Variants in HNF4G observed in about 807,000 individuals in gnomAD.
HNF4G encodes the protein hepatocyte nuclear factor 4 gamma, also known as hepatocyte nuclear factor 4-gamma.
Under a neutral mutation model 50.9 loss-of-function variants are expected in HNF4G, and 21 were observed. That is an observed-to-expected ratio of 0.41 (90% confidence interval 0.29 to 0.59). HNF4G has a LOEUF of 0.59. Ranked by LOEUF, HNF4G falls within the 20% of genes least tolerant of loss-of-function variation. The probability of loss-of-function intolerance (pLI) is 0.26; values close to 1 mark genes in which losing one functional copy is unlikely to be tolerated. For synonymous variants in HNF4G, 198 were observed against 185.6 expected (o/e 1.07, Z -0.54); for missense variants, 527 against 559.4 (o/e 0.94, Z 0.58).
intron 1 of HNF4G, among the ~76,000 whole-genome samples, chr8:75,472,059 A>G (rs1279845382): frequency 6.6e-6 from 1 of 152,190 alleles, no homozygotes; most frequent in Non-Finnish European, 1.5e-5. Context: ...TGATTCTAGC[A>G]TAGTTCCTAA....
chr8:75,413,382 A>G (rs1023831673), intron 1 of HNF4G, among the ~76,000 whole-genome samples: 4 of 150,816 alleles, frequency 2.7e-5, no homozygotes, highest in African/African-American at 9.8e-5. Flanking sequence ...GATAGTGGCC[A>G]GTGGCAATGA....
chr8:75,416,257 C>T (rs1810632598), intron 1 of HNF4G, among the ~76,000 whole-genome samples: 1 of 152,110 alleles, frequency 6.6e-6, no homozygotes, highest in South Asian at 2.1e-4. Flanking sequence ...TTGCTCAGGG[C>T]TCTGCCCTGA....
chr8:75,458,116 A>C (rs1299766170), intron 1 of HNF4G, among the ~76,000 whole-genome samples: 1 of 152,084 alleles, frequency 6.6e-6, no homozygotes, highest in Non-Finnish European at 1.5e-5. Flanking sequence ...TTATGTCTTA[A>C]GACTAGCCTG....
At chr8:75,543,665 C>T in intron 1 of HNF4G, 146 bp from the exon 2 acceptor site, 1 of 586,592 alleles carries the variant, frequency 1.7e-6, no homozygotes, top group Non-Finnish European at 2.9e-6. Context: ...ACGGAAGCAG[C>T]CAGCCAGGGG....
intron 1 of HNF4G, among the ~76,000 whole-genome samples, chr8:75,452,318 C>T (rs1419420544): frequency 2.0e-5 from 3 of 151,880 alleles, no homozygotes; most frequent in Non-Finnish European, 4.4e-5. Flanking sequence ...AGTATGTGTC[C>T]AACACCACAG....
chr8:75,450,680 C>G (rs1053382564), intron 1 of HNF4G, among the ~76,000 whole-genome samples: 1 of 152,162 alleles, frequency 6.6e-6, no homozygotes, highest in Non-Finnish European at 1.5e-5. Flanking sequence ...TTGCATTTCC[C>G]TGATGATTAG....
intron 1 of HNF4G, among the ~76,000 whole-genome samples, chr8:75,430,960 T>A (rs1445710193): frequency 6.6e-6 from 1 of 152,022 alleles, no homozygotes; most frequent in East Asian, 1.9e-4. Flanking sequence ...CAAAATAATA[T>A]AGATTATTAA....
intron 1 of HNF4G, among the ~76,000 whole-genome samples, chr8:75,439,411 A>T (rs780564248): frequency 7.2e-5 from 11 of 151,980 alleles, no homozygotes; most frequent in Non-Finnish European, 1.5e-4. Context: ...TTCAATGATA[A>T]TTTTTTGCTG....
chr8:75,533,398 G>A (rs1267877118), intron 2 of HNF4G, among the ~76,000 whole-genome samples: 1 of 151,840 alleles, frequency 6.6e-6, no homozygotes, highest in Non-Finnish European at 1.5e-5. Context: ...AACCTTGGGG[G>A]TTCTTCAAAA....
intron 3 of HNF4G, among the ~76,000 whole-genome samples, chr8:75,548,050 G>C (rs999364782): frequency 1.3e-5 from 2 of 151,158 alleles, no homozygotes; most frequent in African/African-American, 4.9e-5. Context: ...GTGCAGAGTG[G>C]CATGATCATG....
chr8:75,473,649 C>T (rs1319962296), intron 1 of HNF4G, among the ~76,000 whole-genome samples: 1 of 152,200 alleles, frequency 6.6e-6, no homozygotes, highest in Non-Finnish European at 1.5e-5. Context: ...TCCTGACTGT[C>T]TCCATCATCC....
intron 1 of HNF4G, among the ~76,000 whole-genome samples, chr8:75,411,569 T>A (rs1305848367): frequency 1.3e-5 from 2 of 152,250 alleles, no homozygotes; most frequent in Non-Finnish European, 2.9e-5. Context: ...TAACATCTGA[T>A]GTTCCCCTGA....
intron 1 of HNF4G, among the ~76,000 whole-genome samples, chr8:75,467,168 A>T (rs1044222120): frequency 2.0e-5 from 3 of 152,190 alleles, no homozygotes; most frequent in Non-Finnish European, 2.9e-5. Context: ...CCCTATGACC[A>T]GCTCACATAT....
intron 2 of HNF4G, among the ~76,000 whole-genome samples, chr8:75,517,934 A>G (rs566918020): frequency 1.3e-5 from 2 of 151,858 alleles, no homozygotes; most frequent in East Asian, 3.9e-4. Context: ...ACATCCAGGC[A>G]TTTCCATACA....
At chr8:75,541,736 G>A (rs1020744092) in intron 1 of HNF4G, among the ~76,000 whole-genome samples, 1 of 151,934 alleles carries the variant, frequency 6.6e-6, no homozygotes, top group African/African-American at 2.4e-5. Flanking sequence ...TTTTCAAGAT[G>A]TAATCCACAA....
At chr8:75,557,355 C>T (rs936755296) in intron 6 of HNF4G, among the ~76,000 whole-genome samples, 1 of 152,204 alleles carries the variant, frequency 6.6e-6, no homozygotes, top group African/African-American at 2.4e-5. Flanking sequence ...CATGGTGGCT[C>T]ATGCCTGTAA....
At chr8:75,474,765 T>C (rs930825475) in intron 1 of HNF4G, among the ~76,000 whole-genome samples, 1 of 152,262 alleles carries the variant, frequency 6.6e-6, no homozygotes, top group South Asian at 2.1e-4. Context: ...TGGCGCGATC[T>C]TGGCTCACTG....
rs532334556 is a variant in HNF4G at position 75,518,421 on chromosome 8, G to A, written c.-23-25390G>A. ...GTTCAACCACTGTGGAAGTCGGTGT[G>A]GCGATTCCTCAGGGATCTAGAACTA... is the stretch of plus-strand genomic sequence containing the variant. On this transcript the variant is annotated intron_variant, in intron 2 of 10. Coordinates refer to the HNF4G transcript ENST00000354370. 5.8e-4 allele frequency among the ~76,000 whole-genome samples: 89 copies of A among 152,152 alleles called. 1 individual carries two copies. In the South Asian group the frequency reaches 0.014, roughly 24 times the overall value.
chr8:75,438,876 G>A (rs538253234), intron 1 of HNF4G, among the ~76,000 whole-genome samples: 1 of 151,832 alleles, frequency 6.6e-6, no homozygotes, highest in African/African-American at 2.4e-5. Context: ...TTCACGAGTA[G>A]GGTAAATATA....
Sources: allele counts gnomAD v4.1 joint callset (sites outside exome capture counted in the v4.1 genomes callset), GRCh38; gene constraint gnomAD v4.1.1; transcripts MANE v1.5; gene names NCBI Gene and HGNC (gene_info 2026-07-23, HGNC 2026-07-21).